SCN10A: variants seen among roughly 807,000 people sequenced by gnomAD.
SCN10A encodes the protein sodium channel protein type 10 subunit alpha.
A neutral mutation model predicts 170.7 loss-of-function variants in SCN10A; 162 were observed. That is an observed-to-expected ratio of 0.95 (90% confidence interval 0.84 to 1.08). The LOEUF is 1.08. Ranked by LOEUF, SCN10A falls within the 50% of genes least tolerant of loss-of-function variation. SCN10A has a pLI of 0.00. For synonymous variants in SCN10A, 985 were observed against 904.6 expected (o/e 1.09, Z -1.59); for missense variants, 2,527 against 2,436.9 (o/e 1.04, Z -0.78).
At chr3:38,768,042 A>T (rs1216715140) in intron 5 of SCN10A, among the ~76,000 whole-genome samples, 2 of 151,904 alleles carry the variant, frequency 1.3e-5, no homozygotes, top group East Asian at 3.9e-4. Flanking sequence ...GTTTTCTCTG[A>T]TATAAGAATA....
intron 4 of SCN10A, among the ~76,000 whole-genome samples, chr3:38,772,734 AAC>A (rs201703460): frequency 0.27 from 34,069 of 124,640 alleles, 4,637 homozygotes; most frequent in Middle Eastern, 0.35. Flanking sequence ...CAAAAACAAA[AAC>A]AAAAAAAAAA....
chr3:38,764,991 G>A (rs1404703197), intron 5 of SCN10A, among the ~76,000 whole-genome samples: 2 of 151,968 alleles, frequency 1.3e-5, no homozygotes, highest in South Asian at 2.1e-4. Flanking sequence ...CTGTTCATTG[G>A]CCATTTATAT....
chr3:38,786,235 C>G (rs1261417950), intron 4 of SCN10A, among the ~76,000 whole-genome samples: 2 of 151,978 alleles, frequency 1.3e-5, no homozygotes, highest in African/African-American at 4.8e-5. Flanking sequence ...ACCCAAACGC[C>G]CATCAGTGAT....
At chr3:38,723,594 CG>C in intron 18 of SCN10A, 41 bp from the exon 19 acceptor site, 1 of 1,550,842 alleles carries the variant, frequency 6.4e-7, no homozygotes, top group Non-Finnish European at 8.7e-7. Flanking sequence ...CGTCTCTCCG[CG>C]GGGCCCGGGG....
chr3:38,763,097 C>T (rs6599257), intron 6 of SCN10A, among the ~76,000 whole-genome samples: 112,987 of 152,096 alleles, frequency 0.74, 42,514 homozygotes, highest in East Asian at 0.87. Context: ...TTTAGACCTA[C>T]GGAAACAGTG....
At position 38,702,069 on chromosome 3, in the gene SCN10A, T is replaced by C. The variant is rs774383876; in HGVS notation, c.4427A>G (p.Gln1476Arg). The change falls in exon 27 of 28, where the codon CAA (glutamine) becomes CGA (arginine). Residue 1476 changes from glutamine to arginine, a missense_variant. Coordinates refer to ENST00000449082, the MANE Select transcript of SCN10A (RefSeq NM_006514.4). ...GACCATGATGGTGATGTCAAAAGCT[T>C]GTCTGGTCACGATGTCAAAGACAAA... ...QGFVFDIVTR[Q>R]AFDITIMVLI... 1.3e-6 allele frequency: 2 copies of C among 1,584,076 alleles called. No individual in the cohort carries two copies. Among genetic ancestry groups the C allele is most frequent in the East Asian group, 2.3e-5 (1 of 44,352 alleles).
At chr3:38,759,174 C>T (rs1053329408) in intron 8 of SCN10A, among the ~76,000 whole-genome samples, 1 of 152,114 alleles carries the variant, frequency 6.6e-6, no homozygotes, top group Non-Finnish European at 1.5e-5. Context: ...AACATGGAGC[C>T]GTCAGCCTCT....
intron 1 of SCN10A, among the ~76,000 whole-genome samples, chr3:38,806,147 T>C (rs2064403317): frequency 6.6e-6 from 1 of 152,056 alleles, no homozygotes; most frequent in East Asian, 1.9e-4. Context: ...TTTATATTGG[T>C]GCTAAAAGGG....
At position 38,742,283 on chromosome 3, in the gene SCN10A, G is replaced by A. The variant is rs368212766; in HGVS notation, c.2106+8C>T. The A allele has an allele frequency of 1.1e-4, 175 of 1,604,042 alleles. 1 individual carries two copies. The highest frequency in any genetic ancestry group is 9.5e-4 in the Admixed American group (57 of 59,944). ...GCCAGTGAGGGCAGTACCAGCCAGAGCACTCACGATGTTGCCTATCTGGAG... is the reference window on the plus strand; with the variant it reads ...GCCAGTGAGGGCAGTACCAGCCAGAACACTCACGATGTTGCCTATCTGGAG... On this transcript the variant is annotated splice_region_variant and intron_variant, in intron 14 of 27. Coordinates refer to ENST00000449082, the MANE Select transcript of SCN10A (RefSeq NM_006514.4).
chr3:38,803,514 G>T (rs1378182977), intron 1 of SCN10A, among the ~76,000 whole-genome samples: 1 of 152,022 alleles, frequency 6.6e-6, no homozygotes, highest in African/African-American at 2.4e-5. Flanking sequence ...CATGGATGAA[G>T]CTGGAAACCA....
chr3:38,724,690 T>A (rs1431045371), intron 18 of SCN10A, among the ~76,000 whole-genome samples: 1 of 152,240 alleles, frequency 6.6e-6, no homozygotes, highest in Non-Finnish European at 1.5e-5. Flanking sequence ...TTGCTGGCTC[T>A]GAAAGATATT....
rs141612870 is a variant in SCN10A at position 38,815,089 on chromosome 3, G to A, written c.-33+948C>T. Among the ~76,000 whole-genome samples, 412 of 152,232 alleles carry A rather than the reference G, an allele frequency of 2.7e-3. 2 individuals are homozygous for A. The highest frequency in any genetic ancestry group is 9.7e-3 in the African/African-American group (401 of 41,532). ...TGATCAAGAATCAAATTTACACTAA[G>A]TGTGCTAGAGCTATGGGGGAAAAAA... is the stretch of plus-strand genomic sequence containing the variant. On this transcript the variant is annotated intron_variant, in intron 1 of 27. Coordinates refer to ENST00000449082, the MANE Select transcript of SCN10A (RefSeq NM_006514.4).
At chr3:38,713,904 A>G in intron 22 of SCN10A, 54 bp downstream of exon 22, 1 of 1,601,576 alleles carries the variant, frequency 6.2e-7, no homozygotes, top group East Asian at 2.2e-5. Context: ...CTGGGATTAC[A>G]GGCATGAACC....
At position 38,697,862 on chromosome 3, in the gene SCN10A, G is replaced by T; in HGVS notation, c.5358C>A (p.Ile1786=). The change falls in exon 28 of 28, where the codon ATC becomes ATA. Residue 1786 remains isoleucine (I), a synonymous_variant. Coordinates refer to ENST00000449082, the MANE Select transcript of SCN10A (RefSeq NM_006514.4). ...RIPKPNRNIL[I]QMDLPLVPGD... is the part of the protein sequence containing the mutation. Reference sequence around the variant, plus strand: ...CAGGGACCAAAGGCAGGTCCATCTGGATCAGTATATTTCGATTGGGTTTTG... The same window carrying T: ...CAGGGACCAAAGGCAGGTCCATCTGTATCAGTATATTTCGATTGGGTTTTG... 1.2e-6 allele frequency: 2 copies of T among 1,614,134 alleles called. No homozygotes were observed. Among genetic ancestry groups the T allele is most frequent in the Non-Finnish European group, 1.7e-6 (2 of 1,180,030 alleles).
intron 20 of SCN10A, 113 bp downstream of exon 20, chr3:38,722,144 TG>T: frequency 9.8e-7 from 1 of 1,017,616 alleles, no homozygotes; most frequent in Admixed American, 2.5e-5. Flanking sequence ...GTGACAAGGT[TG>T]GGGACTTTCA....
intron 8 of SCN10A, 57 bp from the exon 9 acceptor site, chr3:38,757,216 G>A: frequency 6.6e-7 from 1 of 1,510,438 alleles, no homozygotes; most frequent in Non-Finnish European, 8.9e-7. Context: ...GTAGCCCAGG[G>A]CTGCGAGACA....
chr3:38,771,540 A>ATATTC, intron 4 of SCN10A, 133 bp from the exon 5 acceptor site: 1 of 856,910 alleles, frequency 1.2e-6, no homozygotes, highest in Non-Finnish European at 1.8e-6. Context: ...CACCAAGGTG[A>ATATTC]TGAGGGGGAA....
At chr3:38,801,507 G>A (rs1011256945) in intron 1 of SCN10A, among the ~76,000 whole-genome samples, 21 of 152,154 alleles carry the variant, frequency 1.4e-4, no homozygotes, top group African/African-American at 4.1e-4. Context: ...CTCTGGGGCA[G>A]GTCTGGCTGA....
intron 15 of SCN10A, among the ~76,000 whole-genome samples, chr3:38,737,573 A>G (rs1178012365): frequency 1.3e-5 from 2 of 152,152 alleles, no homozygotes; most frequent in Non-Finnish European, 2.9e-5. Flanking sequence ...GTTTCATGGC[A>G]CAGCTGTGTC....
Sources: gnomAD v4.1 joint callset for allele counts (sites outside exome capture counted in the v4.1 genomes callset) on GRCh38, gnomAD v4.1.1 for gene constraint, MANE v1.5 for transcripts, NCBI Gene and HGNC (gene_info 2026-07-23, HGNC 2026-07-21) for gene names.